CSMD2: variants seen among roughly 807,000 people sequenced by gnomAD.
The protein encoded by CSMD2 is CUB and Sushi multiple domains 2, also known as CUB and sushi domain-containing protein 2.
In CSMD2, 130 loss-of-function variants were observed where a neutral mutation model predicts 398.5. That is an observed-to-expected ratio of 0.33 (90% CI 0.28 to 0.38). The LOEUF (loss-of-function observed/expected upper bound fraction) is 0.38, where lower values mean the gene tolerates loss of function less well. Ranked by LOEUF, CSMD2 falls within the 10% of genes least tolerant of loss-of-function variation. The probability of loss-of-function intolerance (pLI) is 1.00; values close to 1 mark genes in which losing one functional copy is unlikely to be tolerated. For missense variants in CSMD2, 3,829 were observed against 4,764.9 expected (o/e 0.80, Z 5.78); for synonymous variants, 1,828 against 1,908.5 (o/e 0.96, Z 1.10).
At position 33,714,639 on chromosome 1, in the gene CSMD2, C is replaced by T. The variant is rs371544265; in HGVS notation, c.3354G>A (p.Thr1118=). ...GYRLEGTARI[T]CLGGRRRLWS... is the part of the protein sequence containing the mutation. ...ACAGGCGCCGTCTGCCCCCCAGGCA[C>T]GTGATGCGGGCGGTGCCCTCCAGAC... The change falls in exon 21 of 71, where the codon ACG becomes ACA. Residue 1118 remains threonine (T), a synonymous_variant. Transcript: ENST00000373381. 7.2e-4 allele frequency: 1,158 copies of T among 1,613,974 alleles called. 8 individuals are homozygous for T. The highest frequency in any genetic ancestry group is 8.2e-4 in the Middle Eastern group (5 of 6,062).
At position 33,672,457 on chromosome 1, in the gene CSMD2, C is replaced by A. The variant is rs531762124; in HGVS notation, c.4053-9365G>T. On this transcript the variant is annotated intron_variant, in intron 25 of 70. Coordinates refer to ENST00000373381, the MANE Select transcript of CSMD2 (RefSeq NM_001281956.2). The stretch of plus-strand genomic sequence containing the variant: ...CCCAGGCTTGAGTAGGTAAACAAAG[C>A]AGCTGGGAAGCTCGAACTGGATGGA... 1.3e-4 allele frequency among the ~76,000 whole-genome samples: 20 copies of A among 152,326 alleles called. No individual in the cohort carries two copies. In the South Asian group the frequency reaches 3.9e-3, roughly 30 times the overall value.
rs752600622 is a variant in CSMD2 at position 33,537,095 on chromosome 1, T to G, written c.9806A>C (p.Asp3269Ala). Reference protein sequence around the residue: ...TWSGTQPSCIDPTLTTCADPG... With the variant: ...TWSGTQPSCIAPTLTTCADPG... ...GTCCGCACACGTGGTCAGGGTCGGA[T>G]CTGGATGGCCAAAACAAAGACACAG... Residue 3269 changes from aspartate to alanine, a missense_variant and splice_region_variant, in exon 62 of 71, where the codon GAT becomes GCT. Coordinates refer to ENST00000373381, the MANE Select transcript of CSMD2 (RefSeq NM_001281956.2). The surrounding 1 kb of genome is among the most constrained non-coding windows in gnomAD (Gnocchi z 4.6). The G allele has an allele frequency of 1.9e-6, 3 of 1,614,114 alleles. No homozygotes were observed. Among genetic ancestry groups the G allele is most frequent in the Non-Finnish European group, 1.7e-6 (2 of 1,180,006 alleles).
intron 3 of CSMD2, among the ~76,000 whole-genome samples, chr1:34,010,576 G>A (rs918484990): frequency 2.6e-5 from 4 of 151,984 alleles, no homozygotes; most frequent in East Asian, 1.9e-4. Context: ...CAGGTTGATC[G>A]TCAGCAGGGC....
chr1:34,012,585 G>A (rs1051881231), intron 3 of CSMD2, among the ~76,000 whole-genome samples: 5 of 152,026 alleles, frequency 3.3e-5, no homozygotes, highest in African/African-American at 1.2e-4. Flanking sequence ...GTGACTACAG[G>A]CATGCACCAC....
chr1:33,577,821 A>G (rs1305217269), intron 48 of CSMD2, among the ~76,000 whole-genome samples: 1 of 152,096 alleles, frequency 6.6e-6, no homozygotes, highest in Non-Finnish European at 1.5e-5. Flanking sequence ...AGAAAGTAGA[A>G]CCCAATGGGG....
chr1:33,741,282 T>C (rs502390), intron 14 of CSMD2, among the ~76,000 whole-genome samples: 1,636 of 152,114 alleles, frequency 0.011, 23 homozygotes, highest in African/African-American at 0.037. Context: ...ACTGGGCAAA[T>C]TCAAGCTCAG....
chr1:34,032,570 G>A (rs1405725374), intron 3 of CSMD2, 24 bp downstream of exon 3: 1 of 1,468,738 alleles, frequency 6.8e-7, no homozygotes, highest in South Asian at 1.3e-5. Flanking sequence ...TCCGGCTCCT[G>A]TGGCCGATGA....
chr1:33,978,023 G>A lies in CSMD2; in HGVS notation c.518-42069C>T, dbSNP rs75873030. Among the ~76,000 whole-genome samples, 507 of 152,202 alleles carry A rather than the reference G, an allele frequency of 3.3e-3. 4 individuals are homozygous for A. Among genetic ancestry groups the A allele is most frequent in the African/African-American group, 0.01 (436 of 41,548 alleles). On this transcript the variant is annotated intron_variant, in intron 3 of 70. Transcript: ENST00000373381. ...CTAAGGCTTGCTGAGAGCTCATCTG[G>A]GCCAGCCCTGTCTAAAATCTTTAAG...
At chr1:33,591,363 G>C (rs1018662554) in intron 44 of CSMD2, among the ~76,000 whole-genome samples, 4 of 152,122 alleles carry the variant, frequency 2.6e-5, no homozygotes, top group African/African-American at 9.7e-5. Context: ...CTTACCAAAG[G>C]ACTCAGGCTC....
intron 44 of CSMD2, chr1:33,600,291 A>G (rs1178365387): frequency 4.7e-6 from 3 of 636,396 alleles, no homozygotes; most frequent in East Asian, 2.8e-5. Context: ...ACAAGTCCAC[A>G]GAGAACATTC....
chr1:33,875,261 A>G (rs555152449), intron 5 of CSMD2, among the ~76,000 whole-genome samples: 1 of 152,338 alleles, frequency 6.6e-6, no homozygotes, highest in East Asian at 1.9e-4. Context: ...CAGGGCAAAC[A>G]TAAGGGGCGG....
chr1:33,831,749 G>A (rs1482936977), intron 6 of CSMD2, among the ~76,000 whole-genome samples: 1 of 152,106 alleles, frequency 6.6e-6, no homozygotes, highest in Non-Finnish European at 1.5e-5. Context: ...CCATCAGTGT[G>A]CTGTATTCAG....
At chr1:34,122,826 C>G (rs951479659) in intron 1 of CSMD2, among the ~76,000 whole-genome samples, 1 of 152,190 alleles carries the variant, frequency 6.6e-6, no homozygotes, top group African/African-American at 2.4e-5. Context: ...GAGAGGCCCA[C>G]TAGAGGGAGG....
chr1:33,547,547 T>C (rs6425825), intron 56 of CSMD2, among the ~76,000 whole-genome samples: 25,034 of 152,290 alleles, frequency 0.16, 2,582 homozygotes, highest in East Asian at 0.35. Context: ...ATTTATGTCT[T>C]TTCCACTTCT....
chr1:33,690,535 T>C (rs1050412312), intron 25 of CSMD2, among the ~76,000 whole-genome samples: 2 of 152,140 alleles, frequency 1.3e-5, no homozygotes, highest in African/African-American at 2.4e-5. Flanking sequence ...CACAACCAGG[T>C]AGTAAACAAA....
At chr1:33,817,109 C>T (rs967810947) in intron 9 of CSMD2, among the ~76,000 whole-genome samples, 8 of 151,980 alleles carry the variant, frequency 5.3e-5, no homozygotes, top group East Asian at 1.9e-4. Flanking sequence ...TAATTGAAAA[C>T]AAAATATTTT....
chr1:33,640,216 A>G (rs1015364312), intron 29 of CSMD2, among the ~76,000 whole-genome samples: 2 of 152,176 alleles, frequency 1.3e-5, no homozygotes, highest in African/African-American at 4.8e-5. Flanking sequence ...TCTGAATATA[A>G]CCCAAACATT....
chr1:34,065,668 T>C (rs1302062858), intron 2 of CSMD2, among the ~76,000 whole-genome samples: 2 of 152,192 alleles, frequency 1.3e-5, no homozygotes, highest in Non-Finnish European at 2.9e-5. Context: ...TATGGAAATG[T>C]TGTAAGCAAG....
intron 3 of CSMD2, among the ~76,000 whole-genome samples, chr1:33,974,323 C>T (rs1570683335): frequency 6.6e-6 from 1 of 152,286 alleles, no homozygotes. Flanking sequence ...AAACTGATAA[C>T]CCAGCAGCAT....
Sources: allele counts gnomAD v4.1 joint callset (sites outside exome capture counted in the v4.1 genomes callset), GRCh38; gene constraint gnomAD v4.1.1; non-coding constraint Gnocchi (gnomAD v3.1); transcripts MANE v1.5; gene names NCBI Gene and HGNC (gene_info 2026-07-23, HGNC 2026-07-21).